The following NUBPL variants were observed in gnomAD, a reference collection of about 807,000 sequenced individuals.
NUBPL encodes NUBP iron-sulfur cluster assembly factor, mitochondrial, also known as iron-sulfur cluster transfer protein NUBPL.
A neutral mutation model predicts 45.7 loss-of-function variants in NUBPL; 31 were observed. That is an observed-to-expected ratio of 0.68 (90% confidence interval 0.51 to 0.92). The LOEUF is 0.92. Among genes scored for constraint, NUBPL ranks in the 40% least tolerant of loss-of-function variants. NUBPL has a pLI of 0.00. For missense variants in NUBPL, 401 were observed against 398.7 expected (o/e 1.01, Z -0.05); for synonymous variants, 144 against 140.9 (o/e 1.02, Z -0.15).
chr14:31,737,752 C>T lies in NUBPL; in HGVS notation c.514-50028C>T, dbSNP rs914602639. 3.3e-5 allele frequency among the ~76,000 whole-genome samples: 5 copies of T among 152,262 alleles called. No individual in the cohort carries two copies. In the South Asian group the frequency reaches 1.0e-3, roughly 32 times the overall value. Reference sequence around the variant, plus strand: ...TGAGCTGAAATCATGCCACTTCGCTCTAGCCTGGGTGACAGAGCAAGACTC... The same window carrying T: ...TGAGCTGAAATCATGCCACTTCGCTTTAGCCTGGGTGACAGAGCAAGACTC... On this transcript the variant is annotated intron_variant, in intron 6 of 10. Transcript: ENST00000281081.
chr14:31,846,738 C>T (rs759802022), intron 9 of NUBPL, 147 bp downstream of exon 9: 19 of 1,302,350 alleles, frequency 1.5e-5, no homozygotes, highest in South Asian at 2.6e-5. Context: ...GGACAGATCA[C>T]GAGGTCAGGA....
chr14:31,638,746 G>C (rs10136342), intron 4 of NUBPL, among the ~76,000 whole-genome samples: 140,177 of 152,222 alleles, frequency 0.92, 64,599 homozygotes, highest in East Asian at 1. Flanking sequence ...TAGATTTGGT[G>C]TTTTCACATA....
chr14:31,720,220 G>A lies in NUBPL; in HGVS notation c.513+46646G>A, dbSNP rs188166088. ...CTTAAATTTGTTCATCTCCATTCTCGCTATAATTGCAGTAGTTCAAGTCTT... is the reference window on the plus strand; with the variant it reads ...CTTAAATTTGTTCATCTCCATTCTCACTATAATTGCAGTAGTTCAAGTCTT... On this transcript the variant is annotated intron_variant, in intron 6 of 10. Transcript: ENST00000281081. 2.0e-3 allele frequency among the ~76,000 whole-genome samples: 298 copies of A among 152,062 alleles called. 6 individuals are homozygous for A. Among genetic ancestry groups the A allele is most frequent in the Admixed American group, 0.016 (238 of 15,278 alleles).
intron 6 of NUBPL, among the ~76,000 whole-genome samples, chr14:31,750,999 G>A (rs1037826263): frequency 1.3e-5 from 2 of 152,118 alleles, no homozygotes; most frequent in Non-Finnish European, 2.9e-5. Context: ...AGAGAGTGAA[G>A]AGGGAAGTAC....
intron 4 of NUBPL, among the ~76,000 whole-genome samples, chr14:31,660,939 A>C (rs969561801): frequency 6.6e-6 from 1 of 152,222 alleles, no homozygotes; most frequent in Admixed American, 6.5e-5. Context: ...AAAGATGTCA[A>C]CTTTAATAGG....
At chr14:31,724,525 A>G (rs563144440) in intron 6 of NUBPL, among the ~76,000 whole-genome samples, 1 of 152,312 alleles carries the variant, frequency 6.6e-6, no homozygotes, top group South Asian at 2.1e-4. Context: ...GTATTCAGTA[A>G]TGGTTTGTTT....
At chr14:31,709,903 T>C (rs2037533233) in intron 6 of NUBPL, among the ~76,000 whole-genome samples, 1 of 152,106 alleles carries the variant, frequency 6.6e-6, no homozygotes. Context: ...GGCTAGGATA[T>C]GGGGGTAAGC....
At chr14:31,631,776 C>T (rs1463504644) in intron 4 of NUBPL, among the ~76,000 whole-genome samples, 7 of 149,806 alleles carry the variant, frequency 4.7e-5, no homozygotes, top group African/African-American at 1.7e-4. Context: ...GTTTTTTTTT[C>T]TATTCAGGGC....
intron 6 of NUBPL, among the ~76,000 whole-genome samples, chr14:31,707,521 TTAGAG>T (rs1364063225): frequency 1.3e-5 from 2 of 152,296 alleles, no homozygotes; most frequent in East Asian, 3.9e-4. Context: ...CTCTCCTTGA[TTAGAG>T]TATAGAGGGG....
intron 7 of NUBPL, among the ~76,000 whole-genome samples, chr14:31,820,242 A>G (rs2039994686): frequency 6.6e-6 from 1 of 152,188 alleles, no homozygotes; most frequent in Admixed American, 6.5e-5. Context: ...TTTATTGCAA[A>G]CTAAACTTCA....
intron 7 of NUBPL, among the ~76,000 whole-genome samples, chr14:31,815,208 A>G (rs538250402): frequency 4.6e-5 from 7 of 151,400 alleles, no homozygotes; most frequent in Admixed American, 1.3e-4. Context: ...GTCCTCTCTT[A>G]TTTTCTTGAG....
chr14:31,798,550 T>C (rs550805202), intron 7 of NUBPL, among the ~76,000 whole-genome samples: 1 of 151,826 alleles, frequency 6.6e-6, no homozygotes, highest in South Asian at 2.1e-4. Context: ...CCCAGCACTT[T>C]GAGAGGCCGA....
chr14:31,748,378 T>C (rs750328087), intron 6 of NUBPL, among the ~76,000 whole-genome samples: 1 of 152,176 alleles, frequency 6.6e-6, no homozygotes, highest in African/African-American at 2.4e-5. Context: ...AGATTGTTTG[T>C]TCATTGCTGA....
intron 6 of NUBPL, among the ~76,000 whole-genome samples, chr14:31,719,224 G>C (rs897466174): frequency 6.6e-6 from 1 of 152,156 alleles, no homozygotes; most frequent in Non-Finnish European, 1.5e-5. Flanking sequence ...CATACTGCCT[G>C]TATGTCACCA....
chr14:31,580,712 C>T (rs187714403), intron 3 of NUBPL, among the ~76,000 whole-genome samples: 28 of 152,286 alleles, frequency 1.8e-4, no homozygotes, highest in Non-Finnish European at 3.7e-4. Flanking sequence ...GAGCAGACAT[C>T]TGAATGAATT....
At chr14:31,812,653 C>G (rs1280097610) in intron 7 of NUBPL, among the ~76,000 whole-genome samples, 3 of 152,206 alleles carry the variant, frequency 2.0e-5, no homozygotes, top group Non-Finnish European at 4.4e-5. Flanking sequence ...CACTTTCACA[C>G]CAGTCCCAGT....
intron 6 of NUBPL, among the ~76,000 whole-genome samples, chr14:31,757,977 A>G (rs1009260324): frequency 1.3e-5 from 2 of 151,928 alleles, no homozygotes; most frequent in Admixed American, 6.6e-5. Context: ...TGGAAACTTT[A>G]CCCTTTAGAT....
intron 6 of NUBPL, among the ~76,000 whole-genome samples, chr14:31,783,515 C>CTTTTT (rs71430995): frequency 2.3e-5 from 3 of 129,216 alleles, no homozygotes; most frequent in Non-Finnish European, 4.8e-5. Flanking sequence ...AATAGCAGTT[C>CTTTTT]TTTTTTTTTT....
At chr14:31,732,905 G>A (rs6571458) in intron 6 of NUBPL, among the ~76,000 whole-genome samples, 5,233 of 152,114 alleles carry the variant, frequency 0.034, 285 homozygotes, top group African/African-American at 0.12. Flanking sequence ...GCATCACCGC[G>A]CCCGGCCTAT....
Sources: gnomAD v4.1 joint callset for allele counts (sites outside exome capture counted in the v4.1 genomes callset) on GRCh38, gnomAD v4.1.1 for gene constraint, MANE v1.5 for transcripts, NCBI Gene and HGNC (gene_info 2026-07-23, HGNC 2026-07-21) for gene names.